Variants in EMC7 observed in about 807,000 individuals in gnomAD.
The protein encoded by EMC7 is endoplasmic reticulum membrane protein complex subunit 7.
Under a neutral mutation model 24.4 loss-of-function variants are expected in EMC7, and 4 were observed. That is an observed-to-expected ratio of 0.16 (90% CI 0.08 to 0.38). The LOEUF (loss-of-function observed/expected upper bound fraction) is 0.38. Ranked by LOEUF, EMC7 falls within the 10% of genes least tolerant of loss-of-function variation. The pLI is 1.00. For synonymous variants in EMC7, 106 were observed against 112.0 expected (o/e 0.95, Z 0.34); for missense variants, 221 against 300.6 (o/e 0.74, Z 1.96).
At position 34,100,081 on chromosome 15, in the gene EMC7, C is replaced by T. The variant is rs1289904863; in HGVS notation, c.236+1523G>A. ...AAATGGTAGGCACCGTGGCTCACGCCTATAATCCCAAAAATGTGACAGGCT... is the reference window on the plus strand; with the variant it reads ...AAATGGTAGGCACCGTGGCTCACGCTTATAATCCCAAAAATGTGACAGGCT... On this transcript the variant is annotated intron_variant, in intron 1 of 4. Transcript: ENST00000256545. Among the ~76,000 whole-genome samples, 7 of 152,352 alleles carry T rather than the reference C, an allele frequency of 4.6e-5. No individual in the cohort carries two copies. The East Asian group carries it at 1.4e-3, about 29-fold the overall frequency.
chr15:34,090,052 T>C (rs1900954435), intron 3 of EMC7, among the ~76,000 whole-genome samples: 1 of 152,270 alleles, frequency 6.6e-6, no homozygotes, highest in South Asian at 2.1e-4. Context: ...ATTCTTATTC[T>C]ATTTGAAATG....
intron 2 of EMC7, 87 bp from the exon 3 acceptor site, chr15:34,090,542 C>CT: frequency 7.6e-7 from 1 of 1,318,136 alleles, no homozygotes; most frequent in Non-Finnish European, 1.0e-6. Flanking sequence ...TTAGCAATGC[C>CT]TTATACACAC....
intron 1 of EMC7, among the ~76,000 whole-genome samples, chr15:34,099,626 G>T (rs1205250858): frequency 6.6e-6 from 1 of 151,986 alleles, no homozygotes; most frequent in African/African-American, 2.4e-5. Context: ...TTTCCTGAGA[G>T]ACGGGGTTTT....
intron 2 of EMC7, among the ~76,000 whole-genome samples, chr15:34,092,261 T>TCACACACACACACACACACACACACA (rs375005510): frequency 1.8e-4 from 25 of 141,662 alleles, no homozygotes; most frequent in East Asian, 1.3e-3. Flanking sequence ...TGAGACTCCG[T>TCACACACACACACACACACACACACA]CACACACACA....
At chr15:34,091,449 T>C (rs1900972518) in intron 2 of EMC7, among the ~76,000 whole-genome samples, 1 of 152,208 alleles carries the variant, frequency 6.6e-6, no homozygotes, top group Non-Finnish European at 1.5e-5. Context: ...TATGCATTTG[T>C]TACTGCCAGG....
At chr15:34,086,906 A>G (rs145516746) in intron 4 of EMC7, among the ~76,000 whole-genome samples, 1 of 152,360 alleles carries the variant, frequency 6.6e-6, no homozygotes, top group East Asian at 1.9e-4. Flanking sequence ...TTCTTTTCCT[A>G]TGAATCTTTT....
At chr15:34,088,483 T>TTA (rs397696680) in intron 3 of EMC7, among the ~76,000 whole-genome samples, 182 of 151,650 alleles carry the variant, frequency 1.2e-3, no homozygotes, top group Non-Finnish European at 2.1e-3. Context: ...TTTTTTTTTT[T>TTA]AATCTATAGT....
At chr15:34,089,758 ACCAG>A (rs1234993855) in intron 3 of EMC7, among the ~76,000 whole-genome samples, 1 of 152,188 alleles carries the variant, frequency 6.6e-6, no homozygotes, top group Non-Finnish European at 1.5e-5. Context: ...GGAGTTCAAG[ACCAG>A]CCTGGCCAAG....
rs1900838862 is a variant in EMC7, at chr15:34,084,297, G to A, written c.*37C>T. ...CAAGACTTGGATGCCACCCAGTGTT[G>A]CCGTGTTTGTGCAAATGCCAGCTCT... is the stretch of plus-strand genomic sequence containing the variant. On this transcript the variant is annotated 3_prime_UTR_variant, in exon 5 of 5. Coordinates refer to ENST00000256545, the MANE Select transcript of EMC7 (RefSeq NM_020154.3). The A allele has an allele frequency of 6.3e-7, 1 of 1,593,500 alleles. No homozygotes were observed. Among genetic ancestry groups the A allele is most frequent in the Non-Finnish European group, 8.6e-7 (1 of 1,165,960 alleles).
chr15:34,100,360 T>C (rs1408862512), intron 1 of EMC7, among the ~76,000 whole-genome samples: 2 of 152,102 alleles, frequency 1.3e-5, no homozygotes, highest in South Asian at 2.1e-4. Flanking sequence ...AAAAGAAAGA[T>C]ACAATGAAAC....
chr15:34,092,293 A>ACACACAC (rs1555523196), intron 2 of EMC7, among the ~76,000 whole-genome samples: 1 of 151,654 alleles, frequency 6.6e-6, no homozygotes, highest in Non-Finnish European at 1.5e-5. Flanking sequence ...ACACACACAC[A>ACACACAC]AAGAATTAGG....
rs1199404146 is a variant in EMC7, at chr15:34,095,929, CG to C, written c.321del (p.Val108PhefsTer11). On this transcript the variant is annotated frameshift_variant, in exon 2 of 5. Transcript: ENST00000256545. LOFTEE classifies it high-confidence loss of function. Reference protein sequence around the residue: ...EVVSPAYRFDPVRVDITSKGK... With the variant: ...EVVSPAYRFDXVRVDITSKGK... Reference sequence around the variant, plus strand: ...CCTTTCGAAGTGATATCCACTCGAACGGGATCAAATCTGTAAGCTGGAGATA... The same window carrying C: ...CCTTTCGAAGTGATATCCACTCGAACGGATCAAATCTGTAAGCTGGAGATA... The C allele has an allele frequency of 6.2e-7, 1 of 1,610,000 alleles. No homozygotes were observed.
At chr15:34,100,837 A>G (rs1332937783) in intron 1 of EMC7, 1 of 152,116 alleles carries the variant, frequency 6.6e-6, no homozygotes, top group Non-Finnish European at 1.5e-5. Context: ...GCGTGCCTAG[A>G]CATTTCAAAA....
intron 2 of EMC7, among the ~76,000 whole-genome samples, chr15:34,094,191 G>A (rs1356293232): frequency 4.0e-5 from 6 of 151,696 alleles, no homozygotes; most frequent in Non-Finnish European, 8.8e-5. Context: ...GATCACTTGA[G>A]GTCAGGAGTT....
chr15:34,096,036 TTAGC>T (rs760043429), intron 1 of EMC7, 22 bp from the exon 2 acceptor site: 1 of 1,535,452 alleles, frequency 6.5e-7, no homozygotes, highest in South Asian at 1.3e-5. Flanking sequence ...AAAATCATGT[TTAGC>T]TACTACTGAT....
In EMC7 at chr15:34,084,193, T is replaced by TA; in HGVS notation, c.*140dup. Reference sequence around the variant, plus strand: ...CGTGTACCAAGTACAAAACATGTGCTAAAAAGTTAACATACACAGTTGTAA... The same window carrying TA: ...CGTGTACCAAGTACAAAACATGTGCTAAAAAAGTTAACATACACAGTTGTAA... On this transcript the variant is annotated 3_prime_UTR_variant, in exon 5 of 5. Transcript: ENST00000256545. The TA allele has an allele frequency of 1.9e-6, 2 of 1,079,912 alleles. No homozygotes were observed. The highest frequency in any genetic ancestry group is 2.6e-6 in the Non-Finnish European group (2 of 772,498). 66.9% of individuals were successfully genotyped at this position (1,079,912 alleles called of 1,614,324 possible).
rs1901032319 is a variant in EMC7, at chr15:34,094,477, G to A, written c.356+1418C>T. 2.0e-5 allele frequency among the ~76,000 whole-genome samples: 3 copies of A among 152,078 alleles called. No individual in the cohort carries two copies. In the South Asian group the frequency reaches 6.2e-4, roughly 31 times the overall value. ...TTGAACCCAGGAGGCAGAGGTTGCA[G>A]TGAGCCGAAATCACACCACTGCATT... On this transcript the variant is annotated intron_variant, in intron 2 of 4. Transcript: ENST00000256545.
At chr15:34,086,142 A>G (rs145312046) in intron 4 of EMC7, 33 of 399,662 alleles carry the variant, frequency 8.3e-5, no homozygotes, top group African/African-American at 6.2e-4. Flanking sequence ...CCCATAACCA[A>G]TGTTGGGGAT....
At chr15:34,091,594 CT>C (rs556515147) in intron 2 of EMC7, among the ~76,000 whole-genome samples, 6 of 152,188 alleles carry the variant, frequency 3.9e-5, no homozygotes, top group Non-Finnish European at 7.4e-5. Context: ...TCAGGGGAGA[CT>C]TTTTCCCCCA....
Sources: allele counts gnomAD v4.1 joint callset (sites outside exome capture counted in the v4.1 genomes callset), GRCh38; gene constraint gnomAD v4.1.1; transcripts MANE v1.5; gene names NCBI Gene and HGNC (gene_info 2026-07-23, HGNC 2026-07-21).